GPC6: variants seen among roughly 807,000 people sequenced by gnomAD.
The protein encoded by GPC6 is glypican-6.
GPC6 carries 14 observed loss-of-function variants against 55.2 expected under a neutral mutation model. The ratio of observed to expected loss-of-function variants is 0.25; its 90% confidence interval spans 0.17 to 0.40. The LOEUF is 0.40. GPC6 is among the 10% of genes least tolerant of loss of function. GPC6 has a pLI of 1.00. For missense variants in GPC6, 641 were observed against 708.5 expected (o/e 0.90, Z 1.08); for synonymous variants, 278 against 259.6 (o/e 1.07, Z -0.68).
intron 2 of GPC6, among the ~76,000 whole-genome samples, chr13:93,584,953 T>A (rs1013215865): frequency 6.6e-6 from 1 of 152,112 alleles, no homozygotes; most frequent in Non-Finnish European, 1.5e-5. Flanking sequence ...GCCTCCCAAA[T>A]TGATGGGATT....
At chr13:93,793,503 G>A (rs1198364120) in intron 2 of GPC6, among the ~76,000 whole-genome samples, 1 of 151,970 alleles carries the variant, frequency 6.6e-6, no homozygotes, top group East Asian at 1.9e-4. Context: ...TGAATTCCAT[G>A]CTAAGATTAT....
intron 1 of GPC6, among the ~76,000 whole-genome samples, chr13:93,301,246 G>A (rs376307182): frequency 5.9e-4 from 90 of 152,142 alleles, no homozygotes; most frequent in Non-Finnish European, 7.1e-4. Context: ...CTGAAATCTC[G>A]TGCTTCCTGC....
chr13:93,760,001 A>G (rs190802198), intron 2 of GPC6, among the ~76,000 whole-genome samples: 1 of 123,688 alleles, frequency 8.1e-6, no homozygotes, highest in Non-Finnish European at 1.6e-5. Context: ...ACAGAAAGAG[A>G]AAAGGAAAAA....
At chr13:93,442,599 CATGTGTTTCAGTATCTTCCAAG>C (rs1877846713) in intron 1 of GPC6, among the ~76,000 whole-genome samples, 1 of 152,118 alleles carries the variant, frequency 6.6e-6, no homozygotes, top group African/African-American at 2.4e-5. Context: ...AGCTTAAGTC[CATGTGTTTCAGTATCTTCCAAG>C]ATGGATATGC....
At chr13:93,887,604 G>A (rs941757861) in intron 3 of GPC6, among the ~76,000 whole-genome samples, 3 of 152,020 alleles carry the variant, frequency 2.0e-5, no homozygotes, top group Non-Finnish European at 2.9e-5. Context: ...TAATTTGGGG[G>A]AAATTATAGT....
chr13:94,194,783 C>T (rs1889512539), intron 4 of GPC6, among the ~76,000 whole-genome samples: 1 of 152,054 alleles, frequency 6.6e-6, no homozygotes, highest in Non-Finnish European at 1.5e-5. Flanking sequence ...AAAAAGAATA[C>T]TTTAACTGAA....
At chr13:94,329,075 G>C (rs1205051536) in intron 6 of GPC6, among the ~76,000 whole-genome samples, 1 of 152,190 alleles carries the variant, frequency 6.6e-6, no homozygotes, top group African/African-American at 2.4e-5. Flanking sequence ...CACTGACACT[G>C]GAGTTCTCAG....
chr13:94,064,023 G>T (rs1884429840), intron 4 of GPC6, among the ~76,000 whole-genome samples: 1 of 152,092 alleles, frequency 6.6e-6, no homozygotes, highest in Admixed American at 6.6e-5. Flanking sequence ...CCTTGTCTTG[G>T]TCAGAGGGGA....
chr13:93,227,701 C>T lies in GPC6; in HGVS notation c.160+85C>T, dbSNP rs879673743. On this transcript the variant is annotated intron_variant, in intron 1 of 8. Coordinates refer to ENST00000377047, the MANE Select transcript of GPC6 (RefSeq NM_005708.5). The surrounding 1 kb of genome is among the most constrained non-coding windows in gnomAD (Gnocchi z 4.3). The stretch of plus-strand genomic sequence containing the variant: ...GCCGCCCGGCGTCCCCTTCCTTCCC[C>T]CTGTTGCTGAGTTGGTGCTCACTTT... 1 of 1,115,342 alleles carries T rather than the reference C, an allele frequency of 9.0e-7. No homozygotes were observed. The highest frequency in any genetic ancestry group is 1.3e-6 in the Non-Finnish European group (1 of 777,982). 69.1% of individuals were successfully genotyped at this position (1,115,342 alleles called of 1,614,324 possible).
intron 1 of GPC6, among the ~76,000 whole-genome samples, chr13:93,536,205 C>A (rs9524114): frequency 0.19 from 28,132 of 151,948 alleles, 3,072 homozygotes; most frequent in East Asian, 0.29. Context: ...TTCACTTTTT[C>A]AATTTTTTAC....
At chr13:93,216,894 C>T in the GPC6 span, among the ~76,000 whole-genome samples, 3 of 152,200 alleles carry the variant, frequency 2.0e-5, no homozygotes, top group South Asian at 2.1e-4. Flanking sequence ...ATTTCTTATA[C>T]CTGAGTTTGT....
At chr13:94,167,025 C>A (rs75884874) in intron 4 of GPC6, among the ~76,000 whole-genome samples, 3,210 of 152,242 alleles carry the variant, frequency 0.021, 116 homozygotes, top group African/African-American at 0.072. Context: ...TCTACTTCTT[C>A]ATAAAATCTA....
intron 4 of GPC6, among the ~76,000 whole-genome samples, chr13:94,177,556 TA>T (rs1888823624): frequency 6.6e-6 from 1 of 152,088 alleles, no homozygotes. Context: ...AAAAACAAGA[TA>T]TATCAATTGT....
intron 1 of GPC6, among the ~76,000 whole-genome samples, chr13:93,280,854 A>T (rs1457863005): frequency 1.3e-5 from 2 of 152,186 alleles, no homozygotes; most frequent in Non-Finnish European, 2.9e-5. Flanking sequence ...AGGAGTCCAC[A>T]GCCTAGATCC....
chr13:93,542,555 G>C (rs1434813544), intron 1 of GPC6, among the ~76,000 whole-genome samples: 4 of 152,092 alleles, frequency 2.6e-5, no homozygotes, highest in African/African-American at 9.7e-5. Flanking sequence ...TTCCAATTCT[G>C]TGAAGAAAGT....
intron 5 of GPC6, among the ~76,000 whole-genome samples, chr13:94,288,937 A>ATTT (rs1566638391): frequency 1.7e-5 from 2 of 115,252 alleles, no homozygotes; most frequent in African/African-American, 7.9e-5. Context: ...AAATATAGAT[A>ATTT]GATAGATAGA....
intron 3 of GPC6, among the ~76,000 whole-genome samples, chr13:93,868,816 C>A (rs977616545): frequency 1.3e-5 from 2 of 151,792 alleles, no homozygotes; most frequent in Admixed American, 6.6e-5. Flanking sequence ...AACCCTCTTT[C>A]GAGTATATCT....
intron 3 of GPC6, among the ~76,000 whole-genome samples, chr13:93,920,749 G>A (rs986554803): frequency 1.3e-5 from 2 of 152,080 alleles, no homozygotes; most frequent in Admixed American, 1.3e-4. Context: ...AGTCCCCCAT[G>A]TCAATTTTCT....
intron 2 of GPC6, among the ~76,000 whole-genome samples, chr13:93,602,201 T>G (rs1218246308): frequency 1.3e-5 from 2 of 152,184 alleles, no homozygotes; most frequent in Non-Finnish European, 2.9e-5. Flanking sequence ...TCTAAACTAA[T>G]GGTTTCGAGC....
Sources: allele counts gnomAD v4.1 joint callset (sites outside exome capture counted in the v4.1 genomes callset), GRCh38; gene constraint gnomAD v4.1.1; non-coding constraint Gnocchi (gnomAD v3.1); transcripts MANE v1.5; gene names NCBI Gene and HGNC (gene_info 2026-07-23, HGNC 2026-07-21).